The following DLC1 variants were observed in gnomAD, a reference collection of about 807,000 sequenced individuals.
DLC1 encodes the protein DLC1 Rho GTPase activating protein.
In DLC1, 54 loss-of-function variants were observed where a neutral mutation model predicts 140.3. The observed-to-expected ratio is 0.38, with a 90% CI of 0.31 to 0.48. DLC1 has a LOEUF of 0.48. Ranked by LOEUF, DLC1 falls within the 20% of genes least tolerant of loss-of-function variation. The pLI, the probability that DLC1 is intolerant of heterozygous loss-of-function variation, is 0.96. For missense variants in DLC1, 2,536 were observed against 1,907.0 expected (o/e 1.33, Z -6.14); for synonymous variants, 986 against 728.1 (o/e 1.35, Z -5.70).
intron 13 of DLC1, among the ~76,000 whole-genome samples, chr8:13,091,639 T>C (rs529087253): frequency 6.6e-6 from 1 of 152,294 alleles, no homozygotes; most frequent in Non-Finnish European, 1.5e-5. Context: ...TAAAGAGATA[T>C]GCTTTTGATG....
chr8:13,219,162 A>G (rs1477554770), intron 5 of DLC1, among the ~76,000 whole-genome samples: 1 of 54,836 alleles, frequency 1.8e-5, no homozygotes, highest in Admixed American at 2.1e-4. Context: ...AATTATATGA[A>G]TATAACTATA....
chr8:13,387,465 A>C (rs1836573537), intron 4 of DLC1, among the ~76,000 whole-genome samples: 1 of 151,474 alleles, frequency 6.6e-6, no homozygotes, highest in Non-Finnish European at 1.5e-5. Flanking sequence ...GATACTTTAA[A>C]ATGATGTGAA....
At chr8:13,503,105 A>G (rs1037422304) in intron 1 of DLC1, among the ~76,000 whole-genome samples, 11 of 152,230 alleles carry the variant, frequency 7.2e-5, no homozygotes, top group Non-Finnish European at 1.0e-4. Context: ...CAATATATAC[A>G]TTAAAGTTGA....
intron 2 of DLC1, among the ~76,000 whole-genome samples, chr8:13,455,589 C>T (rs147783560): frequency 6.6e-6 from 1 of 152,330 alleles, no homozygotes; most frequent in East Asian, 1.9e-4. Flanking sequence ...TTATCTCTTT[C>T]AGTCTTTTCT....
intron 2 of DLC1, among the ~76,000 whole-genome samples, chr8:13,483,114 C>A (rs1038380662): frequency 6.6e-6 from 1 of 152,136 alleles, no homozygotes; most frequent in African/African-American, 2.4e-5. Flanking sequence ...TCAGGCGCTC[C>A]TCTACTTATG....
intron 5 of DLC1, among the ~76,000 whole-genome samples, chr8:13,292,740 A>AG (rs1420937884): frequency 6.6e-6 from 1 of 152,134 alleles, no homozygotes; most frequent in African/African-American, 2.4e-5. Flanking sequence ...GAATTCTGAC[A>AG]TTTTTTTCTC....
Position 13,487,840 on chromosome 8 carries a change from G to C in DLC1, c.1023+11209C>G, listed in dbSNP as rs552648976. On this transcript the variant is annotated intron_variant, in intron 2 of 17. Transcript: ENST00000276297. ...CCCGCCTCAGCCTCCCAAAGTGCTGGGATTACAGGCGTGAGCCACTGCACC... is the reference window on the plus strand; with the variant it reads ...CCCGCCTCAGCCTCCCAAAGTGCTGCGATTACAGGCGTGAGCCACTGCACC... Among the ~76,000 whole-genome samples the C allele has an allele frequency of 2.1e-4, 32 of 152,182 alleles. 1 individual carries two copies. In the South Asian group the frequency reaches 6.0e-3, roughly 29 times the overall value.
chr8:13,090,185 G>T, intron 15 of DLC1, 67 bp downstream of exon 15: 1 of 1,479,636 alleles, frequency 6.8e-7, no homozygotes, highest in Non-Finnish European at 9.2e-7. Context: ...GCAAAAGCGT[G>T]TTATCTCTGA....
rs139955821 is a variant in DLC1 at position 13,501,167 on chromosome 8, C to A, written c.-125-971G>T. Among the ~76,000 whole-genome samples, 463 of 152,258 alleles carry A rather than the reference C, an allele frequency of 3.0e-3. 4 individuals are homozygous for A. Among genetic ancestry groups the A allele is most frequent in the African/African-American group, 0.011 (446 of 41,550 alleles). ...ATTCTTCAGAAACTTCAGTCTCATT[C>A]TGTTTGGCTTATAAGAAGTTTAGTT... On this transcript the variant is annotated intron_variant, in intron 1 of 17. Transcript: ENST00000276297.
intron 4 of DLC1, among the ~76,000 whole-genome samples, chr8:13,321,115 C>T (rs1045344155): frequency 5.3e-5 from 8 of 152,044 alleles, no homozygotes; most frequent in South Asian, 2.1e-4. Context: ...TGGACTAAGC[C>T]GATCCCAATT....
At chr8:13,329,276 A>G (rs920326912) in intron 4 of DLC1, among the ~76,000 whole-genome samples, 1 of 152,152 alleles carries the variant, frequency 6.6e-6, no homozygotes, top group African/African-American at 2.4e-5. Context: ...GGTCCTATAG[A>G]GCTTTCCAAT....
intron 5 of DLC1, among the ~76,000 whole-genome samples, chr8:13,300,941 G>A (rs148714167): frequency 6.6e-6 from 1 of 152,168 alleles, no homozygotes; most frequent in South Asian, 2.1e-4. Context: ...GAAAGTGAAG[G>A]CCTGCATGGA....
At chr8:13,176,056 T>C (rs1046804141) in intron 5 of DLC1, among the ~76,000 whole-genome samples, 1 of 152,224 alleles carries the variant, frequency 6.6e-6, no homozygotes, top group Non-Finnish European at 1.5e-5. Context: ...CTAGGATCTT[T>C]ATTAAATTAC....
chr8:13,248,592 C>T (rs947512178), intron 5 of DLC1, among the ~76,000 whole-genome samples: 1 of 152,186 alleles, frequency 6.6e-6, no homozygotes, highest in Admixed American at 6.5e-5. Flanking sequence ...TCTCTGCGGA[C>T]ACCCCCCACA....
chr8:13,584,973 C>G (rs950728146), intron 1 of DLC1, among the ~76,000 whole-genome samples: 7 of 152,140 alleles, frequency 4.6e-5, no homozygotes, highest in Non-Finnish European at 1.0e-4. Context: ...TGTACCCAAA[C>G]TGTGCAGTAT....
chr8:13,583,611 C>G (rs1805195998), intron 1 of DLC1, among the ~76,000 whole-genome samples: 1 of 152,174 alleles, frequency 6.6e-6, no homozygotes, highest in South Asian at 2.1e-4. Context: ...AAGTGAAGCA[C>G]TATAAAACAA....
chr8:13,133,209 G>A, intron 5 of DLC1: 1 of 1,422,260 alleles, frequency 7.0e-7, no homozygotes, highest in Non-Finnish European at 9.1e-7. Context: ...AAGTCCGTGA[G>A]CCGGCGCTCC....
At chr8:13,564,723 T>G (rs976914545) in intron 1 of DLC1, among the ~76,000 whole-genome samples, 2 of 152,166 alleles carry the variant, frequency 1.3e-5, no homozygotes, top group Admixed American at 6.5e-5. Context: ...GGGGTTGGCC[T>G]TATAGCTGCA....
intron 5 of DLC1, among the ~76,000 whole-genome samples, chr8:13,128,187 A>G (rs1821750291): frequency 6.6e-6 from 1 of 152,228 alleles, no homozygotes; most frequent in Non-Finnish European, 1.5e-5. Flanking sequence ...ATTTCCTTAT[A>G]GGCAGGCATT....
Sources: gnomAD v4.1 joint callset for allele counts (sites outside exome capture counted in the v4.1 genomes callset) on GRCh38, gnomAD v4.1.1 for gene constraint, MANE v1.5 for transcripts, NCBI Gene and HGNC (gene_info 2026-07-23, HGNC 2026-07-21) for gene names.